RGS7: variants seen among roughly 807,000 people sequenced by gnomAD.
The protein encoded by RGS7 is regulator of G protein signaling 7.
In RGS7, 27 loss-of-function variants were observed where a neutral mutation model predicts 81.1. The observed-to-expected ratio is 0.33, with a 90% confidence interval of 0.25 to 0.46. RGS7 has a LOEUF of 0.46. Ranked by LOEUF, RGS7 falls within the 20% of genes least tolerant of loss-of-function variation. RGS7 has a pLI of 1.00. For synonymous variants in RGS7, 208 were observed against 207.7 expected (o/e 1.00, Z -0.01); for missense variants, 396 against 607.4 (o/e 0.65, Z 3.66).
chr1:241,306,589 TAC>T (rs902314721), intron 2 of RGS7, among the ~76,000 whole-genome samples: 14 of 146,372 alleles, frequency 9.6e-5, no homozygotes, highest in African/African-American at 1.3e-4. Context: ...TACAAACCCT[TAC>T]ACACACACCT....
In RGS7 at chr1:241,184,651, T is replaced by C. The variant is rs551212048; in HGVS notation, c.79-85889A>G. On this transcript the variant is annotated intron_variant, in intron 2 of 18. Transcript: ENST00000440928. ...TTATTTAAAATATTGTATAAAATTA[T>C]TTTCTGGCTATGTGGGTAAGGTGTA... Among the ~76,000 whole-genome samples, 94 of 152,328 alleles carry C rather than the reference T, an allele frequency of 6.2e-4. 2 individuals carry two copies. In the South Asian group the frequency reaches 0.019, roughly 31 times the overall value.
intron 2 of RGS7, among the ~76,000 whole-genome samples, chr1:241,193,586 A>G (rs2072849622): frequency 6.6e-6 from 1 of 152,244 alleles, no homozygotes; most frequent in Non-Finnish European, 1.5e-5. Context: ...TAAATTAAAT[A>G]CATATAGACA....
At chr1:240,930,328 C>T (rs1675213612) in intron 6 of RGS7, among the ~76,000 whole-genome samples, 2 of 151,342 alleles carry the variant, frequency 1.3e-5, no homozygotes, top group South Asian at 4.2e-4. Flanking sequence ...AAAGCGGACC[C>T]TTGGGACGTC....
intron 2 of RGS7, chr1:241,186,449 T>C: frequency 1.1e-6 from 1 of 945,292 alleles, no homozygotes; most frequent in Non-Finnish European, 1.3e-6. Context: ...TTTCTAGCAT[T>C]TTTACCTGAT....
intron 5 of RGS7, among the ~76,000 whole-genome samples, chr1:240,932,126 G>T (rs1437597827): frequency 6.6e-6 from 1 of 152,180 alleles, no homozygotes; most frequent in African/African-American, 2.4e-5. Context: ...TGGGTAGATA[G>T]GGAGAACTGT....
At chr1:240,932,240 G>A (rs1675573780) in intron 5 of RGS7, among the ~76,000 whole-genome samples, 2 of 152,104 alleles carry the variant, frequency 1.3e-5, no homozygotes, top group Admixed American at 1.3e-4. Context: ...GGGAATTACA[G>A]TAGTAAAATA....
intron 3 of RGS7, among the ~76,000 whole-genome samples, chr1:240,984,417 C>T (rs552795201): frequency 9.8e-4 from 149 of 152,052 alleles, no homozygotes; most frequent in African/African-American, 3.3e-3. Flanking sequence ...CAGGACTTTA[C>T]GACTAATTAG....
intron 2 of RGS7, among the ~76,000 whole-genome samples, chr1:241,270,797 G>A (rs750274718): frequency 6.8e-5 from 10 of 146,080 alleles, no homozygotes; most frequent in Non-Finnish European, 8.9e-5. Flanking sequence ...TCGCTCTGTC[G>A]CCCAGGCTGG....
intron 3 of RGS7, among the ~76,000 whole-genome samples, chr1:241,064,909 T>G (rs2061973810): frequency 6.6e-6 from 1 of 151,920 alleles, no homozygotes; most frequent in African/African-American, 2.4e-5. Context: ...ATTTATTGGG[T>G]TTCCTGTATG....
chr1:240,955,070 T>A (rs1270118122), intron 4 of RGS7, among the ~76,000 whole-genome samples: 5 of 152,018 alleles, frequency 3.3e-5, no homozygotes, highest in African/African-American at 9.7e-5. Context: ...ATAACACTAA[T>A]TAAAGAAATA....
chr1:240,912,105 C>A (rs760307448), intron 6 of RGS7, among the ~76,000 whole-genome samples: 1 of 120,114 alleles, frequency 8.3e-6, no homozygotes, highest in African/African-American at 3.1e-5. Context: ...GAGCTGAGAT[C>A]GTGCCACTGC....
rs1166617947 is a variant in RGS7, at chr1:240,844,417, C to T, written c.610-17245G>A. ...GACCTTCCTGCTATCATCACCCCAA[C>T]CCCTATCCACATCCTCATCATTTCA... On this transcript the variant is annotated intron_variant, in intron 9 of 18. Coordinates refer to ENST00000440928, the MANE Select transcript of RGS7 (RefSeq NM_001364886.1). Among the ~76,000 whole-genome samples, 8 of 152,322 alleles carry T rather than the reference C, an allele frequency of 5.3e-5. No individual in the cohort carries two copies. The South Asian group carries it at 8.3e-4, about 16-fold the overall frequency.
chr1:241,162,694 A>G (rs926017177), intron 2 of RGS7, among the ~76,000 whole-genome samples: 7 of 152,198 alleles, frequency 4.6e-5, no homozygotes, highest in Non-Finnish European at 8.8e-5. Context: ...TCCTTTGAAG[A>G]GGCAAGGATC....
At chr1:241,260,914 G>A (rs1249749487) in intron 2 of RGS7, among the ~76,000 whole-genome samples, 1 of 130,950 alleles carries the variant, frequency 7.6e-6, no homozygotes, top group Non-Finnish European at 1.6e-5. Context: ...ACACTCTGGG[G>A]ACTGTTGTGG....
chr1:240,975,033 G>A (rs552538689), intron 4 of RGS7, among the ~76,000 whole-genome samples: 51 of 152,118 alleles, frequency 3.4e-4, no homozygotes, highest in Non-Finnish European at 4.3e-4. Context: ...TTCCTCTCAA[G>A]GAATGCTGAA....
intron 4 of RGS7, among the ~76,000 whole-genome samples, chr1:240,951,615 G>GAAAACAAAAAGAACAACA (rs1679575117): frequency 6.6e-6 from 1 of 151,956 alleles, no homozygotes; most frequent in Non-Finnish European, 1.5e-5. Context: ...AAATAACAAG[G>GAAAACAAAAAGAACAACA]AAAACAAAAA....
chr1:240,917,534 G>C (rs553798354), intron 6 of RGS7, among the ~76,000 whole-genome samples: 1 of 152,276 alleles, frequency 6.6e-6, no homozygotes, highest in Admixed American at 6.5e-5. Context: ...TAAGTGTACA[G>C]TGTTACCTAA....
chr1:241,276,132 G>A (rs1005981298), intron 2 of RGS7, among the ~76,000 whole-genome samples: 3 of 152,184 alleles, frequency 2.0e-5, no homozygotes, highest in African/African-American at 7.2e-5. Flanking sequence ...TGTGTTGGTA[G>A]TGGCAACATA....
At chr1:240,946,897 G>A (rs1479233369) in intron 4 of RGS7, among the ~76,000 whole-genome samples, 3 of 152,200 alleles carry the variant, frequency 2.0e-5, no homozygotes, top group Non-Finnish European at 4.4e-5. Context: ...GCAAAGACAT[G>A]ATAAATGTTT....
Sources: gnomAD v4.1 joint callset for allele counts (sites outside exome capture counted in the v4.1 genomes callset) on GRCh38, gnomAD v4.1.1 for gene constraint, MANE v1.5 for transcripts, NCBI Gene and HGNC (gene_info 2026-07-23, HGNC 2026-07-21) for gene names.